Variants in CEP162 observed in about 807,000 individuals in gnomAD.
The protein encoded by CEP162 is centrosomal protein of 162 kDa.
CEP162 carries 141 observed loss-of-function variants against 169.2 expected under a neutral mutation model. The observed-to-expected ratio is 0.83, with a 90% CI of 0.73 to 0.96. CEP162 has a LOEUF of 0.96. Ranked by LOEUF, CEP162 falls within the 40% of genes least tolerant of loss-of-function variation. CEP162 has a pLI of 0.00. For missense variants in CEP162, 1,600 were observed against 1,587.2 expected, an observed-to-expected ratio of 1.01 and a Z score of -0.14; for synonymous variants, 540 against 526.4, an observed-to-expected ratio of 1.03 and a Z score of -0.35.
At chr6:84,225,329 T>C (rs1415490331) in intron 2 of CEP162, among the ~76,000 whole-genome samples, 1 of 152,172 alleles carries the variant, frequency 6.6e-6, no homozygotes, top group Non-Finnish European at 1.5e-5. Context: ...CTGTTCAGCA[T>C]GTACTGTACT....
chr6:84,196,802 C>G (rs1470950714), intron 9 of CEP162, among the ~76,000 whole-genome samples: 2 of 151,944 alleles, frequency 1.3e-5, no homozygotes, highest in Admixed American at 1.3e-4. Flanking sequence ...TATAAGAATG[C>G]CTTACAATGA....
intron 24 of CEP162, among the ~76,000 whole-genome samples, chr6:84,149,290 T>A (rs1230887952): frequency 6.6e-6 from 1 of 152,082 alleles, no homozygotes; most frequent in Non-Finnish European, 1.5e-5. Flanking sequence ...GAGACTTATT[T>A]GAGAAGTATA....
intron 9 of CEP162, 139 bp downstream of exon 9, chr6:84,200,650 T>C: frequency 2.3e-6 from 1 of 430,096 alleles, no homozygotes; most frequent in East Asian, 3.5e-5. Context: ...TTTAAATTAT[T>C]ATTATGGTAG....
At chr6:84,155,734 CACAA>C (rs2099522882) in intron 21 of CEP162, 1 of 497,326 alleles carries the variant, frequency 2.0e-6, no homozygotes, top group Non-Finnish European at 3.6e-6. Flanking sequence ...AAAACCGTGA[CACAA>C]ACAAATAGAA....
Position 84,153,098 on chromosome 6 carries a change from C to T in CEP162, c.3076G>A (p.Ala1026Thr). The stretch of plus-strand genomic sequence containing the variant: ...ATGTCATCAAGTTCCTTCTCTAGGG[C>T]TTTAATTCTGGGAGAGTCATGTTGA... The part of the protein sequence containing the change: ...LNQHDSPRIK[A>T]LEKELDDIKE... The change falls in exon 23 of 27, where the codon GCC (alanine) becomes ACC (threonine). Residue 1026 changes from alanine to threonine, a missense_variant. By Grantham distance (58) the Ala-to-Thr change is moderately conservative. Coordinates refer to ENST00000403245, the MANE Select transcript of CEP162 (RefSeq NM_014895.4). The T allele has an allele frequency of 6.2e-7, 1 of 1,613,060 alleles. No homozygotes were observed. Among genetic ancestry groups the T allele is most frequent in the Non-Finnish European group, 8.5e-7 (1 of 1,179,582 alleles).
chr6:84,151,337 A>G (rs951077363), intron 23 of CEP162, among the ~76,000 whole-genome samples: 1 of 152,202 alleles, frequency 6.6e-6, no homozygotes, highest in Middle Eastern at 3.4e-3. Context: ...TGGTTTATAA[A>G]AGTAAGGAAG....
chr6:84,181,960 T>C (rs2099535030), intron 13 of CEP162, among the ~76,000 whole-genome samples: 1 of 152,108 alleles, frequency 6.6e-6, no homozygotes, highest in African/African-American at 2.4e-5. Flanking sequence ...TTTTTCATAA[T>C]CTCTTTCCTT....
rs1182721380 is a variant in CEP162 at position 84,171,708 on chromosome 6, C to T, written c.2177G>A (p.Arg726Gln). Residue 726 changes from arginine to glutamine, a missense_variant, in exon 17 of 27, where the codon CGA becomes CAA. Arg to Gln is a conservative substitution (Grantham distance 43, BLOSUM62 1). Coordinates refer to ENST00000403245, the MANE Select transcript of CEP162 (RefSeq NM_014895.4). ...LLQGYQQENE[R>Q]LYNQVKDLQE... ...GAGATCTTTTACTTGATTATATAAT[C>T]GTTCATTTTCCTTTTTAAAAACAGA... 4.8e-6 allele frequency: 7 copies of T among 1,447,316 alleles called. No homozygotes were observed. Among genetic ancestry groups the T allele is most frequent in the Non-Finnish European group, 6.5e-6 (7 of 1,081,578 alleles). The allele number at this position is 1,447,316 out of a possible 1,614,324, so 89.7% of individuals were successfully genotyped here.
intron 15 of CEP162, among the ~76,000 whole-genome samples, chr6:84,174,410 T>A (rs2099531470): frequency 6.6e-6 from 1 of 152,204 alleles, no homozygotes; most frequent in Non-Finnish European, 1.5e-5. Context: ...ATCCTCTGGG[T>A]CTATACCTTC....
chr6:84,157,472 G>C (rs1297894964), intron 21 of CEP162, among the ~76,000 whole-genome samples: 2 of 152,122 alleles, frequency 1.3e-5, no homozygotes, highest in Non-Finnish European at 1.5e-5. Context: ...AGGAGTTCCA[G>C]ACCAGCCATG....
intron 3 of CEP162, among the ~76,000 whole-genome samples, chr6:84,220,444 A>G (rs1166358937): frequency 6.6e-6 from 1 of 152,108 alleles, no homozygotes. Context: ...CAACACAGTG[A>G]GAGACCCTAT....
intron 13 of CEP162, among the ~76,000 whole-genome samples, chr6:84,176,217 T>C (rs2099532353): frequency 6.6e-6 from 1 of 152,154 alleles, no homozygotes; most frequent in African/African-American, 2.4e-5. Flanking sequence ...TAATTACAAA[T>C]GAATGTTATA....
At chr6:84,172,410 A>G (rs2099530511) in intron 16 of CEP162, among the ~76,000 whole-genome samples, 1 of 152,192 alleles carries the variant, frequency 6.6e-6, no homozygotes, top group African/African-American at 2.4e-5. Context: ...GTTTAAAATT[A>G]AAAATCAGAT....
intron 18 of CEP162, among the ~76,000 whole-genome samples, chr6:84,166,585 T>A (rs2099527934): frequency 6.6e-6 from 1 of 152,166 alleles, no homozygotes; most frequent in South Asian, 2.1e-4. Flanking sequence ...ACATTTCCAA[T>A]GCTTGGATGA....
intron 25 of CEP162, among the ~76,000 whole-genome samples, chr6:84,129,617 C>G (rs1230957794): frequency 6.6e-6 from 1 of 152,062 alleles, no homozygotes; most frequent in Non-Finnish European, 1.5e-5. Context: ...CAAAAATTTT[C>G]TGCCATTCTG....
intron 3 of CEP162, among the ~76,000 whole-genome samples, chr6:84,216,390 C>T (rs1378084504): frequency 3.3e-5 from 5 of 152,022 alleles, no homozygotes; most frequent in East Asian, 1.9e-4. Flanking sequence ...CAGAAGCCTT[C>T]GTTAGTGTAA....
At chr6:84,160,288 C>T (rs539279518) in intron 21 of CEP162, among the ~76,000 whole-genome samples, 1 of 152,268 alleles carries the variant, frequency 6.6e-6, no homozygotes, top group South Asian at 2.1e-4. Flanking sequence ...TAATAAGCTT[C>T]ACTTTATGAT....
Position 84,152,966 on chromosome 6 carries a change from C to G in CEP162, c.3208G>C (p.Asp1070His). 6.2e-7 allele frequency: 1 copy of G among 1,613,570 alleles called. No homozygotes were observed. The highest frequency in any genetic ancestry group is 8.5e-7 in the Non-Finnish European group (1 of 1,179,736). Residue 1070 changes from aspartate to histidine, a missense_variant, in exon 23 of 27, where the codon GAT (aspartate) becomes CAT (histidine). Coordinates refer to ENST00000403245, the MANE Select transcript of CEP162 (RefSeq NM_014895.4). ...DVKKNDKDDE[D>H]FQSIEFQVEQ... is the part of the protein sequence containing the mutation. ...ACCTGGAATTCTATAGACTGAAAATCTTCATCATCTTTATCATTTTTCTTG... is the reference window on the plus strand; with the variant it reads ...ACCTGGAATTCTATAGACTGAAAATGTTCATCATCTTTATCATTTTTCTTG...
intron 11 of CEP162, among the ~76,000 whole-genome samples, chr6:84,188,415 T>C (rs2099538181): frequency 6.6e-6 from 1 of 152,172 alleles, no homozygotes; most frequent in Non-Finnish European, 1.5e-5. Flanking sequence ...CCAGTGTCTG[T>C]TGTTCTCATC....
Sources: allele counts gnomAD v4.1 joint callset (sites outside exome capture counted in the v4.1 genomes callset), GRCh38; gene constraint gnomAD v4.1.1; transcripts MANE v1.5; gene names NCBI Gene and HGNC (gene_info 2026-07-23, HGNC 2026-07-21).